Variants in TBL1XR1 observed in about 807,000 individuals in gnomAD.
TBL1XR1 encodes the protein F-box-like/WD repeat-containing protein TBL1XR1.
In TBL1XR1, 5 loss-of-function variants were observed where a neutral mutation model predicts 66.9. The observed-to-expected ratio is 0.07, with a 90% CI of 0.04 to 0.16. The LOEUF is 0.16. Among genes scored for constraint, TBL1XR1 ranks in the 10% least tolerant of loss-of-function variants. The probability of loss-of-function intolerance (pLI) is 1.00; values close to 1 mark genes in which losing one functional copy is unlikely to be tolerated. For synonymous variants in TBL1XR1, 210 were observed against 206.0 expected (o/e 1.02, Z -0.17); for missense variants, 238 against 623.2 (o/e 0.38, Z 6.58).
intron 1 of TBL1XR1, among the ~76,000 whole-genome samples, chr3:177,163,215 A>G (rs1032064244): frequency 6.6e-6 from 1 of 151,956 alleles, no homozygotes; most frequent in Non-Finnish European, 1.5e-5. Context: ...CATTTAAAAG[A>G]AAAAAAAGAG....
intron 1 of TBL1XR1, among the ~76,000 whole-genome samples, chr3:177,160,060 A>G (rs886421289): frequency 2.0e-5 from 3 of 152,190 alleles, no homozygotes; most frequent in Non-Finnish European, 4.4e-5. Flanking sequence ...AATCCAATAA[A>G]GAGTGGGGAA....
intron 1 of TBL1XR1, among the ~76,000 whole-genome samples, chr3:177,194,686 A>G (rs1015033612): frequency 1.6e-4 from 24 of 151,918 alleles, no homozygotes; most frequent in African/African-American, 5.8e-4. Flanking sequence ...TACCCCTTAT[A>G]TTTATATTAC....
intron 10 of TBL1XR1, among the ~76,000 whole-genome samples, chr3:177,043,493 G>A (rs919001621): frequency 6.6e-6 from 1 of 152,082 alleles, no homozygotes; most frequent in African/African-American, 2.4e-5. Context: ...TTGCTGAAAT[G>A]CATACTTATA....
At chr3:177,199,331 C>T (rs527254123), upstream of TBL1XR1, among the ~76,000 whole-genome samples, 1 of 151,804 alleles carries the variant, frequency 6.6e-6, no homozygotes, top group Non-Finnish European at 1.5e-5. Flanking sequence ...GAACTAACAC[C>T]TTTCAGAAGA....
chr3:177,172,714 G>C (rs974435713), intron 1 of TBL1XR1, among the ~76,000 whole-genome samples: 1 of 148,858 alleles, frequency 6.7e-6, no homozygotes, highest in African/African-American at 2.4e-5. Context: ...GAAGAGAAGA[G>C]CCAAGCCGAG....
At chr3:177,179,182 C>T (rs930355462) in intron 1 of TBL1XR1, among the ~76,000 whole-genome samples, 3 of 145,978 alleles carry the variant, frequency 2.1e-5, no homozygotes, top group African/African-American at 7.8e-5. Flanking sequence ...AATCGCACAA[C>T]AACCCCCTCC....
At chr3:177,055,942 T>A (rs532751126) in intron 3 of TBL1XR1, among the ~76,000 whole-genome samples, 1 of 152,184 alleles carries the variant, frequency 6.6e-6, no homozygotes, top group African/African-American at 2.4e-5. Flanking sequence ...AAATCACAAC[T>A]AATAAATGAG....
At chr3:177,119,941 C>T (rs1205931672) in intron 1 of TBL1XR1, among the ~76,000 whole-genome samples, 1 of 152,102 alleles carries the variant, frequency 6.6e-6, no homozygotes, top group African/African-American at 2.4e-5. Context: ...TTTTTGCTAA[C>T]AGAAAGCCCT....
chr3:177,142,194 T>C (rs528070692), intron 1 of TBL1XR1, among the ~76,000 whole-genome samples: 1 of 152,230 alleles, frequency 6.6e-6, no homozygotes, highest in African/African-American at 2.4e-5. Context: ...AGGAAAGAAT[T>C]CAGGGTGAAC....
intron 3 of TBL1XR1, among the ~76,000 whole-genome samples, chr3:177,054,494 T>C (rs1414491220): frequency 6.6e-6 from 1 of 152,186 alleles, no homozygotes; most frequent in African/African-American, 2.4e-5. Flanking sequence ...GTAATTGTTA[T>C]CTACTACGTA....
intron 1 of TBL1XR1, among the ~76,000 whole-genome samples, chr3:177,144,476 G>A (rs1187058247): frequency 1.3e-5 from 2 of 151,666 alleles, no homozygotes; most frequent in Non-Finnish European, 2.9e-5. Context: ...TAACCTGGCC[G>A]GGCGCGGTGG....
chr3:177,107,060 A>G (rs1724977035), intron 1 of TBL1XR1, among the ~76,000 whole-genome samples: 1 of 152,214 alleles, frequency 6.6e-6, no homozygotes, highest in African/African-American at 2.4e-5. Flanking sequence ...CTTCACAACT[A>G]AACAGCTTCA....
At chr3:177,056,897 C>A (rs1241628655) in intron 3 of TBL1XR1, among the ~76,000 whole-genome samples, 1 of 152,028 alleles carries the variant, frequency 6.6e-6, no homozygotes, top group Non-Finnish European at 1.5e-5. Context: ...TTGCTATACA[C>A]ATTTCTTTCC....
rs774132454 is a variant in TBL1XR1 at position 177,026,373 on chromosome 3, T to G, written c.1518A>C (p.Ser506=). 5.6e-6 allele frequency: 9 copies of G among 1,612,004 alleles called. No homozygotes were observed. Among genetic ancestry groups the G allele is most frequent in the African/African-American group, 1.3e-5 (1 of 74,914 alleles). Residue 506 remains serine (S), a splice_region_variant and synonymous_variant, in exon 15 of 16, where the codon TCA becomes TCC. Coordinates refer to ENST00000457928, the MANE Select transcript of TBL1XR1 (RefSeq NM_024665.7). ...TTTGGAAACACTTTACTATACTTAC[T>G]GAACCATCTGATGCACTGGCTCCAA... The part of the protein sequence containing the change: ...DKVGASASDG[S]VCVLDLRK
chr3:177,156,961 A>G (rs1298498800), intron 1 of TBL1XR1, among the ~76,000 whole-genome samples: 1 of 152,228 alleles, frequency 6.6e-6, no homozygotes, highest in Non-Finnish European at 1.5e-5. Flanking sequence ...TAGTAGCTTA[A>G]AACAACACAA....
chr3:177,086,825 CA>C (rs1722184498), intron 2 of TBL1XR1: 1 of 151,688 alleles, frequency 6.6e-6, no homozygotes, highest in South Asian at 2.1e-4. Flanking sequence ...TAACTACTAA[CA>C]ACCTAGTTAT....
upstream of TBL1XR1, among the ~76,000 whole-genome samples, chr3:177,197,578 G>GGCGGCGGCC (rs1737039726): frequency 6.9e-6 from 1 of 143,996 alleles, no homozygotes; most frequent in Admixed American, 6.9e-5. Context: ...CGGCGGCGGC[G>GGCGGCGGCC]GCGGCGGCCG....
intron 1 of TBL1XR1, among the ~76,000 whole-genome samples, chr3:177,145,853 G>C (rs1730176520): frequency 6.6e-6 from 1 of 152,206 alleles, no homozygotes; most frequent in African/African-American, 2.4e-5. Flanking sequence ...TTTTCCAACA[G>C]ACAAAATTCC....
At chr3:177,045,152 C>A (rs747236355) in intron 10 of TBL1XR1, among the ~76,000 whole-genome samples, 53 of 152,034 alleles carry the variant, frequency 3.5e-4, no homozygotes, top group Non-Finnish European at 6.0e-4. Context: ...AGCAAAATGC[C>A]TGAAGTTGCA....
Sources: gnomAD v4.1 joint callset for allele counts (sites outside exome capture counted in the v4.1 genomes callset) on GRCh38, gnomAD v4.1.1 for gene constraint, MANE v1.5 for transcripts, NCBI Gene and HGNC (gene_info 2026-07-23, HGNC 2026-07-21) for gene names.